ROR1: variants seen among roughly 807,000 people sequenced by gnomAD.
The protein encoded by ROR1 is inactive tyrosine-protein kinase transmembrane receptor ROR1.
A neutral mutation model predicts 78.8 loss-of-function variants in ROR1; 19 were observed. The observed-to-expected ratio is 0.24, with a 90% confidence interval of 0.17 to 0.35. The LOEUF is 0.35. Among genes scored for constraint, ROR1 ranks in the 10% least tolerant of loss-of-function variants. The pLI is 1.00. For missense variants in ROR1, 917 were observed against 1,177.8 expected (o/e 0.78, Z 3.24); for synonymous variants, 386 against 433.6 (o/e 0.89, Z 1.36).
At chr1:63,921,541 G>A (rs1645654527) in intron 1 of ROR1, among the ~76,000 whole-genome samples, 1 of 152,100 alleles carries the variant, frequency 6.6e-6, no homozygotes. Context: ...GCTACCATGT[G>A]CACCAAAGGA....
intron 7 of ROR1, among the ~76,000 whole-genome samples, chr1:64,156,335 A>C (rs1167389001): frequency 6.6e-6 from 1 of 152,160 alleles, no homozygotes; most frequent in Non-Finnish European, 1.5e-5. Context: ...CTTTCTGTCT[A>C]TCTATAGGCA....
intron 1 of ROR1, among the ~76,000 whole-genome samples, chr1:63,944,201 C>G (rs1645864528): frequency 1.3e-5 from 2 of 152,124 alleles, no homozygotes; most frequent in African/African-American, 4.8e-5. Flanking sequence ...CACAAAGAAC[C>G]TACTTCCCAG....
chr1:63,884,846 T>G (rs1645346797), intron 1 of ROR1, among the ~76,000 whole-genome samples: 1 of 151,854 alleles, frequency 6.6e-6, no homozygotes, highest in Admixed American at 6.6e-5. Context: ...GTGTGTTTTT[T>G]TTTTTGAGGA....
chr1:63,932,565 A>G (rs1223794119), intron 1 of ROR1, among the ~76,000 whole-genome samples: 1 of 152,186 alleles, frequency 6.6e-6, no homozygotes, highest in Non-Finnish European at 1.5e-5. Context: ...CCAAGGAAGA[A>G]TGATGCCCCT....
At chr1:64,134,855 T>G (rs1440669087) in intron 4 of ROR1, among the ~76,000 whole-genome samples, 1 of 151,784 alleles carries the variant, frequency 6.6e-6, no homozygotes, top group Non-Finnish European at 1.5e-5. Context: ...TTCAAGTGAT[T>G]CTCCTACCTC....
chr1:63,882,592 C>T (rs116101731), intron 1 of ROR1, among the ~76,000 whole-genome samples: 189 of 152,266 alleles, frequency 1.2e-3, no homozygotes, highest in African/African-American at 4.3e-3. Flanking sequence ...ATTCTGTACT[C>T]TGGCTGAAAC....
intron 1 of ROR1, among the ~76,000 whole-genome samples, chr1:63,903,679 G>A (rs1007650983): frequency 6.6e-6 from 1 of 151,774 alleles, no homozygotes; most frequent in Non-Finnish European, 1.5e-5. Flanking sequence ...TTTGCAAAAT[G>A]TGCACAGATT....
At chr1:64,022,733 T>C (rs1213625584) in intron 2 of ROR1, among the ~76,000 whole-genome samples, 25 of 152,214 alleles carry the variant, frequency 1.6e-4, no homozygotes. Flanking sequence ...TAAATTGACT[T>C]GAATATATGT....
At chr1:63,870,542 C>T (rs1453038236) in intron 1 of ROR1, among the ~76,000 whole-genome samples, 1 of 152,172 alleles carries the variant, frequency 6.6e-6, no homozygotes, top group Non-Finnish European at 1.5e-5. Flanking sequence ...AAGGTTCCAA[C>T]ATTATTACTC....
At chr1:63,939,859 C>A (rs1645822493) in intron 1 of ROR1, among the ~76,000 whole-genome samples, 1 of 152,176 alleles carries the variant, frequency 6.6e-6, no homozygotes, top group Non-Finnish European at 1.5e-5. Context: ...AAGCCTGCTA[C>A]AAGGATCCCT....
At chr1:64,040,234 T>C (rs1323942702) in intron 2 of ROR1, among the ~76,000 whole-genome samples, 1 of 152,146 alleles carries the variant, frequency 6.6e-6, no homozygotes, top group Non-Finnish European at 1.5e-5. Flanking sequence ...AGAAACAAGA[T>C]TGGGAATATT....
chr1:64,058,029 G>T (rs140785052), intron 4 of ROR1, among the ~76,000 whole-genome samples: 62 of 152,060 alleles, frequency 4.1e-4, no homozygotes, highest in African/African-American at 1.2e-3. Flanking sequence ...TGTAGATTTT[G>T]GTGTGCAAGT....
chr1:64,116,746 G>A (rs971236824), intron 4 of ROR1, among the ~76,000 whole-genome samples: 4 of 152,012 alleles, frequency 2.6e-5, no homozygotes, highest in South Asian at 2.1e-4. Context: ...GCTGGGACTC[G>A]GGATCTGGCC....
chr1:64,104,639 G>A (rs954744078), intron 4 of ROR1, among the ~76,000 whole-genome samples: 6 of 151,972 alleles, frequency 3.9e-5, no homozygotes, highest in Non-Finnish European at 5.9e-5. Context: ...AGGCCCTGGT[G>A]TGTGCTGTTC....
intron 4 of ROR1, among the ~76,000 whole-genome samples, chr1:64,087,786 T>A (rs1647165858): frequency 6.6e-6 from 1 of 152,190 alleles, no homozygotes; most frequent in Non-Finnish European, 1.5e-5. Context: ...TCCTAATCCT[T>A]TTGGAACTTT....
At chr1:64,007,392 G>A (rs968740588) in intron 1 of ROR1, among the ~76,000 whole-genome samples, 1 of 151,590 alleles carries the variant, frequency 6.6e-6, no homozygotes, top group African/African-American at 2.4e-5. Context: ...GTGTGTGTGT[G>A]TGTGTGTGTG....
intron 1 of ROR1, among the ~76,000 whole-genome samples, chr1:63,937,505 T>G (rs970052149): frequency 1.3e-5 from 2 of 152,298 alleles, no homozygotes; most frequent in Non-Finnish European, 2.9e-5. Flanking sequence ...TGAAGTTGTT[T>G]TTTTTTTTAA....
intron 1 of ROR1, among the ~76,000 whole-genome samples, chr1:63,776,174 T>G (rs1644615058): frequency 6.6e-6 from 1 of 152,258 alleles, no homozygotes; most frequent in African/African-American, 2.4e-5. Flanking sequence ...TACTTTGTAC[T>G]TCACCTTTCA....
chr1:64,069,649 G>A (rs1266511369), intron 4 of ROR1, among the ~76,000 whole-genome samples: 1 of 152,128 alleles, frequency 6.6e-6, no homozygotes, highest in Non-Finnish European at 1.5e-5. Context: ...TTTTAGATTA[G>A]GGTTAATTTT....
Sources: gnomAD v4.1 joint callset for allele counts (sites outside exome capture counted in the v4.1 genomes callset) on GRCh38, gnomAD v4.1.1 for gene constraint, MANE v1.5 for transcripts, NCBI Gene and HGNC (gene_info 2026-07-23, HGNC 2026-07-21) for gene names.